SUMF1: variants seen among roughly 807,000 people sequenced by gnomAD.
SUMF1 encodes formylglycine-generating enzyme.
Under a neutral mutation model 47.6 loss-of-function variants are expected in SUMF1, and 48 were observed. The ratio of observed to expected loss-of-function variants is 1.01; its 90% CI spans 0.80 to 1.28. The LOEUF (loss-of-function observed/expected upper bound fraction) is 1.28, where lower values mean the gene tolerates loss of function less well. Ranked by LOEUF, SUMF1 falls within the 50% of genes most tolerant of loss-of-function variation. The pLI, the probability that SUMF1 is intolerant of heterozygous loss-of-function variation, is 0.00. For synonymous variants in SUMF1, 230 were observed against 192.1 expected, an observed-to-expected ratio of 1.20 and a Z score of -1.63; for missense variants, 571 against 485.4, an observed-to-expected ratio of 1.18 and a Z score of -1.66.
At chr3:4,038,366 A>G (rs913506933) in intron 9 of SUMF1, among the ~76,000 whole-genome samples, 1 of 152,126 alleles carries the variant, frequency 6.6e-6, no homozygotes, top group Non-Finnish European at 1.5e-5. Context: ...CCTCCTCCCC[A>G]TAGGTCGACT....
At chr3:4,365,184 T>C (rs1224341719) in intron 8 of SUMF1, among the ~76,000 whole-genome samples, 1 of 128,652 alleles carries the variant, frequency 7.8e-6, no homozygotes, top group African/African-American at 2.7e-5. Flanking sequence ...GAAAAAAATG[T>C]ATATTCTGTT....
intron 8 of SUMF1, among the ~76,000 whole-genome samples, chr3:4,339,769 C>A (rs985341369): frequency 6.6e-6 from 1 of 152,078 alleles, no homozygotes; most frequent in Non-Finnish European, 1.5e-5. Context: ...TCCAAATCAC[C>A]CAGAGGCTTT....
chr3:4,066,584 C>T (rs1166026282), intron 9 of SUMF1, among the ~76,000 whole-genome samples: 2 of 152,104 alleles, frequency 1.3e-5, no homozygotes, highest in Non-Finnish European at 2.9e-5. Context: ...ATGCCAGACC[C>T]ATTATTCCTC....
intron 1 of SUMF1, among the ~76,000 whole-genome samples, chr3:4,456,261 C>A (rs1703158482): frequency 6.6e-6 from 1 of 152,000 alleles, no homozygotes; most frequent in African/African-American, 2.4e-5. Flanking sequence ...ACATTATACT[C>A]AATGGGGAAA....
intron 8 of SUMF1, among the ~76,000 whole-genome samples, chr3:4,187,554 A>C (rs1695227331): frequency 6.6e-6 from 1 of 152,198 alleles, no homozygotes; most frequent in Non-Finnish European, 1.5e-5. Context: ...TTAATGAACA[A>C]ATGAACAAAA....
intron 1 of SUMF1, among the ~76,000 whole-genome samples, chr3:4,456,960 G>GTATATATATACGTGTGTGTA (rs1287835671): frequency 6.4e-4 from 52 of 80,786 alleles, no homozygotes; most frequent in Non-Finnish European, 8.1e-4. Context: ...ATACGTGTGT[G>GTATATATATACGTGTGTGTA]TATATATATA....
chr3:4,108,258 A>G (rs980931134), intron 8 of SUMF1, among the ~76,000 whole-genome samples: 11 of 152,092 alleles, frequency 7.2e-5, no homozygotes, highest in Non-Finnish European at 1.6e-4. Flanking sequence ...CTTAATCCTG[A>G]GTTCTAGTTT....
intron 8 of SUMF1, among the ~76,000 whole-genome samples, chr3:4,340,126 A>C (rs78348132): frequency 7.5e-6 from 1 of 133,840 alleles, no homozygotes; most frequent in Admixed American, 7.3e-5. Context: ...CACACACACA[A>C]ACACACACAC....
chr3:4,143,356 G>A (rs764000748), intron 8 of SUMF1, among the ~76,000 whole-genome samples: 1 of 152,076 alleles, frequency 6.6e-6, no homozygotes, highest in Non-Finnish European at 1.5e-5. Flanking sequence ...CTTTTCCCAG[G>A]TAACCCTCAC....
At chr3:4,282,282 G>T (rs561363617) in intron 8 of SUMF1, among the ~76,000 whole-genome samples, 3 of 152,218 alleles carry the variant, frequency 2.0e-5, no homozygotes, top group African/African-American at 7.2e-5. Context: ...AAGGGAAAAA[G>T]CTTTATTGCA....
At chr3:4,227,787 C>G (rs187436420) in intron 8 of SUMF1, among the ~76,000 whole-genome samples, 1 of 152,124 alleles carries the variant, frequency 6.6e-6, no homozygotes, top group African/African-American at 2.4e-5. Flanking sequence ...CTTTTAGTCC[C>G]TAGAGCCAGT....
At chr3:4,421,199 C>T (rs1231133334) in intron 3 of SUMF1, among the ~76,000 whole-genome samples, 1 of 152,204 alleles carries the variant, frequency 6.6e-6, no homozygotes, top group Admixed American at 6.5e-5. Context: ...CATGGCTCTG[C>T]TGTTCACGGT....
chr3:4,353,236 C>A (rs112362530), intron 8 of SUMF1, among the ~76,000 whole-genome samples: 4,869 of 152,230 alleles, frequency 0.032, 277 homozygotes, highest in African/African-American at 0.11. Context: ...CTCATCTTTA[C>A]ATTTTAAGAA....
At chr3:4,350,107 TCTC>T (rs1448989133) in intron 8 of SUMF1, among the ~76,000 whole-genome samples, 1 of 151,802 alleles carries the variant, frequency 6.6e-6, no homozygotes, top group African/African-American at 2.4e-5. Context: ...TTTGAGCAAT[TCTC>T]CTGCCTCAGC....
intron 7 of SUMF1, among the ~76,000 whole-genome samples, chr3:4,379,753 A>G (rs966624550): frequency 2.0e-5 from 3 of 151,684 alleles, no homozygotes; most frequent in African/African-American, 7.3e-5. Context: ...GAGGCAGGAG[A>G]ATCACTTGAA....
chr3:4,196,573 C>G (rs1479092851), intron 8 of SUMF1, among the ~76,000 whole-genome samples: 2 of 152,114 alleles, frequency 1.3e-5, no homozygotes, highest in East Asian at 3.9e-4. Flanking sequence ...TTGGCTGAGG[C>G]ACTTCCCAGA....
intron 8 of SUMF1, among the ~76,000 whole-genome samples, chr3:4,312,100 T>A (rs2125094689): frequency 6.6e-6 from 1 of 152,344 alleles, no homozygotes; most frequent in East Asian, 1.9e-4. Context: ...TTTACAAGTG[T>A]ATATCTTTAA....
chr3:4,111,017 A>G (rs1320019073), intron 8 of SUMF1, among the ~76,000 whole-genome samples: 1 of 138,572 alleles, frequency 7.2e-6, no homozygotes, highest in African/African-American at 2.5e-5. Flanking sequence ...ACTTACAATC[A>G]TAGCAAAAAA....
intron 8 of SUMF1, among the ~76,000 whole-genome samples, chr3:4,219,279 C>A (rs534458431): frequency 1.2e-3 from 189 of 152,162 alleles, no homozygotes; most frequent in Non-Finnish European, 2.3e-3. Context: ...CATATTTGAT[C>A]CTTACAAATC....
Sources: gnomAD v4.1 joint callset for allele counts (sites outside exome capture counted in the v4.1 genomes callset) on GRCh38, gnomAD v4.1.1 for gene constraint, MANE v1.5 for transcripts, NCBI Gene and HGNC (gene_info 2026-07-23, HGNC 2026-07-21) for gene names.